Variants in PICALM observed in about 807,000 individuals in gnomAD.
PICALM encodes phosphatidylinositol-binding clathrin assembly protein.
PICALM carries 40 observed loss-of-function variants against 80.5 expected under a neutral mutation model. The ratio of observed to expected loss-of-function variants is 0.50; its 90% confidence interval spans 0.39 to 0.65. The LOEUF is 0.65. Ranked by LOEUF, PICALM falls within the 30% of genes least tolerant of loss-of-function variation. The pLI is 0.00. For synonymous variants in PICALM, 288 were observed against 260.3 expected, an observed-to-expected ratio of 1.11 and a Z score of -1.02; for missense variants, 676 against 778.9, an observed-to-expected ratio of 0.87 and a Z score of 1.57.
chr11:86,044,516 C>T (rs1021559882), intron 1 of PICALM, among the ~76,000 whole-genome samples: 1 of 152,220 alleles, frequency 6.6e-6, no homozygotes, highest in African/African-American at 2.4e-5. Flanking sequence ...TATTTATTCA[C>T]ATGCTTCACA....
intron 19 of PICALM, chr11:85,974,358 C>A: frequency 4.7e-6 from 2 of 427,394 alleles, no homozygotes; most frequent in South Asian, 1.8e-5. Flanking sequence ...TAGCCATTAG[C>A]CAAGGAACTA....
In PICALM at chr11:86,014,861, A is replaced by G. The variant is rs1365343967; in HGVS notation, c.546+9T>C. ...TTTTAAAATCTTAAATTACAAAAGC[A>G]TAACTCACATTAAAATCAAGAAGTG... is the stretch of plus-strand genomic sequence containing the variant. On this transcript the variant is annotated intron_variant, in intron 5 of 19. Coordinates refer to ENST00000393346, the MANE Select transcript of PICALM (RefSeq NM_007166.4). 6.2e-6 allele frequency: 9 copies of G among 1,442,520 alleles called. No individual in the cohort carries two copies. The highest frequency in any genetic ancestry group is 8.6e-6 in the Non-Finnish European group (9 of 1,042,708). The allele number at this position is 1,442,520 out of a possible 1,614,324, so 89.4% of individuals were successfully genotyped here.
At chr11:86,034,143 TTAAG>T (rs763137297) in intron 1 of PICALM, among the ~76,000 whole-genome samples, 79 of 151,832 alleles carry the variant, frequency 5.2e-4, no homozygotes, top group Non-Finnish European at 9.4e-4. Context: ...ACAGGAAAAA[TTAAG>T]TAAGAATTCA....
intron 7 of PICALM, among the ~76,000 whole-genome samples, chr11:86,008,625 A>G (rs2095326089): frequency 6.8e-6 from 1 of 146,604 alleles, no homozygotes; most frequent in Middle Eastern, 3.6e-3. Context: ...ATCTCAGGAG[A>G]AAAAAAAAAA....
chr11:86,051,761 T>G (rs537814839), intron 1 of PICALM, among the ~76,000 whole-genome samples: 1 of 152,354 alleles, frequency 6.6e-6, no homozygotes, highest in African/African-American at 2.4e-5. Context: ...CTCCTATCTA[T>G]ATCTCATTCC....
At chr11:85,979,481 CT>C (rs1272759317) in intron 17 of PICALM, among the ~76,000 whole-genome samples, 1 of 149,488 alleles carries the variant, frequency 6.7e-6, no homozygotes, top group Non-Finnish European at 1.5e-5. Flanking sequence ...AAGAGCAAGA[CT>C]CCGTCACAAA....
Position 86,000,679 on chromosome 11 carries a change from G to A in PICALM, c.1118C>T (p.Ala373Val), listed in dbSNP as rs1389618503. The change falls in exon 11 of 20, where the codon GCC becomes GTC. Residue 373 changes from alanine to valine, a missense_variant. Coordinates refer to ENST00000393346, the MANE Select transcript of PICALM (RefSeq NM_007166.4). ...TSAGGIMTAP[A>V]IDIFSTPSSS... ...ACTAGGGGTAGAAAATATGTCAATG[G>A]CTGGTGCAGTCATTATCCCTCCTGC... 4 of 1,611,180 alleles carry A rather than the reference G, an allele frequency of 2.5e-6. No individual in the cohort carries two copies. The Admixed American group carries it at 6.7e-5, about 27-fold the overall frequency.
intron 1 of PICALM, among the ~76,000 whole-genome samples, chr11:86,040,071 A>G (rs113658217): frequency 6.6e-6 from 1 of 151,748 alleles, no homozygotes; most frequent in African/African-American, 2.4e-5. Flanking sequence ...GATCAGAAAT[A>G]TAGAAATATA....
At chr11:86,048,423 TA>T (rs1221472097) in intron 1 of PICALM, among the ~76,000 whole-genome samples, 2 of 152,322 alleles carry the variant, frequency 1.3e-5, no homozygotes, top group East Asian at 3.9e-4. Context: ...TGAGGGTTTA[TA>T]CTCTATAAAG....
At chr11:86,052,000 T>C (rs1400451214) in intron 1 of PICALM, among the ~76,000 whole-genome samples, 2 of 152,214 alleles carry the variant, frequency 1.3e-5, no homozygotes, top group Non-Finnish European at 2.9e-5. Context: ...AAGGTTTCCT[T>C]AAAGGTTAGC....
intron 9 of PICALM, among the ~76,000 whole-genome samples, chr11:86,002,501 ACT>A (rs2095171092): frequency 6.6e-6 from 1 of 152,228 alleles, no homozygotes; most frequent in African/African-American, 2.4e-5. Context: ...GATTTCTGTT[ACT>A]TTCAATTTGC....
chr11:85,965,807 GTTTTTTTGTTTTTTT>G (rs771741700), intron 19 of PICALM, among the ~76,000 whole-genome samples: 9 of 79,262 alleles, frequency 1.1e-4, no homozygotes, highest in Non-Finnish European at 1.6e-4. Flanking sequence ...TACCCATTTT[GTTTTTTTGTTTTTTT>G]TTTTTTTTTT....
intron 9 of PICALM, among the ~76,000 whole-genome samples, chr11:86,001,712 T>A (rs2095151454): frequency 6.6e-6 from 1 of 152,246 alleles, no homozygotes; most frequent in Admixed American, 6.5e-5. Context: ...TTGGCATCTT[T>A]CTATGTGCTG....
At chr11:86,018,156 G>A (rs1161397023) in intron 4 of PICALM, among the ~76,000 whole-genome samples, 1 of 152,138 alleles carries the variant, frequency 6.6e-6, no homozygotes, top group Non-Finnish European at 1.5e-5. Context: ...AAGCTTGTGA[G>A]TTCTTACCAC....
intron 4 of PICALM, among the ~76,000 whole-genome samples, chr11:86,017,690 T>C (rs1372354584): frequency 6.6e-6 from 1 of 152,206 alleles, no homozygotes; most frequent in East Asian, 1.9e-4. Flanking sequence ...TGTGCCAAGA[T>C]GTTGATCCTT....
chr11:85,959,083 T>A, intron 19 of PICALM, 23 bp from the exon 20 acceptor site: 1 of 1,533,536 alleles, frequency 6.5e-7, no homozygotes, highest in South Asian at 1.1e-5. Context: ...AGTGGGTATG[T>A]TAATTCATTG....
chr11:86,068,018 T>G (rs1162297720), intron 1 of PICALM, among the ~76,000 whole-genome samples: 1 of 152,126 alleles, frequency 6.6e-6, no homozygotes, highest in African/African-American at 2.4e-5. Context: ...GTATGGTATT[T>G]AAAATGAGTC....
At chr11:85,986,893 G>A (rs113984305) in intron 13 of PICALM, among the ~76,000 whole-genome samples, 6 of 152,096 alleles carry the variant, frequency 3.9e-5, no homozygotes, top group Admixed American at 2.0e-4. Flanking sequence ...TTTCACCAAG[G>A]CCCAGTGAAA....
At chr11:86,036,573 T>G (rs1235993759) in intron 1 of PICALM, among the ~76,000 whole-genome samples, 2 of 152,086 alleles carry the variant, frequency 1.3e-5, no homozygotes, top group African/African-American at 4.8e-5. Flanking sequence ...ACAAAAATAA[T>G]CAGATGGCTT....
Sources: allele counts gnomAD v4.1 joint callset (sites outside exome capture counted in the v4.1 genomes callset), GRCh38; gene constraint gnomAD v4.1.1; transcripts MANE v1.5; gene names NCBI Gene and HGNC (gene_info 2026-07-23, HGNC 2026-07-21).